The following GPC2 variants were observed in gnomAD, a reference collection of about 807,000 sequenced individuals.
GPC2 encodes glypican 2.
Under a neutral mutation model 57.3 loss-of-function variants are expected in GPC2, and 42 were observed. The ratio of observed to expected loss-of-function variants is 0.73; its 90% CI spans 0.57 to 0.95. The LOEUF is 0.95. GPC2 is among the 40% of genes least tolerant of loss of function. The pLI is 0.00. For synonymous variants in GPC2, 364 were observed against 343.4 expected (o/e 1.06, Z -0.66); for missense variants, 745 against 793.6 (o/e 0.94, Z 0.74).
At chr7:100,176,994 C>T (rs1452474409) in intron 1 of GPC2, 40 bp downstream of exon 1, 1 of 292,632 alleles carries the variant, frequency 3.4e-6, no homozygotes, top group East Asian at 1.2e-4. Flanking sequence ...CCGCCCCCGC[C>T]CCCCACCCCC....
At chr7:100,174,159 T>C (rs1799230732) in intron 4 of GPC2, 162 bp from the exon 5 acceptor site, 3 of 573,146 alleles carry the variant, frequency 5.2e-6, no homozygotes, top group African/African-American at 1.9e-5. Context: ...AGGAGGGAGG[T>C]TCCAGGTTGC....
At chr7:100,173,759 C>A in intron 5 of GPC2, 76 bp downstream of exon 5, 1 of 1,231,362 alleles carries the variant, frequency 8.1e-7, no homozygotes, top group Non-Finnish European at 1.1e-6. Flanking sequence ...GATCCTCCTG[C>A]CTCAGCCTCT....
rs1481634026 is a variant in GPC2 at position 100,171,706 on chromosome 7, G to C, written c.1171-28C>G. On this transcript the variant is annotated intron_variant, in intron 7 of 9. Coordinates refer to ENST00000292377, the MANE Select transcript of GPC2 (RefSeq NM_152742.3). The surrounding 1 kb of genome is among the most constrained non-coding windows in gnomAD (Gnocchi z 4.8). ...GGGCGGGCGAGAGGGGGCGGGGCGA[G>C]CTGGAGCGCGACCCCCACAACCATC... 4.1e-6 allele frequency: 6 copies of C among 1,479,126 alleles called. No homozygotes were observed. The highest frequency in any genetic ancestry group is 5.3e-6 in the Non-Finnish European group (6 of 1,124,388). 91.6% of individuals were successfully genotyped at this position (1,479,126 alleles called of 1,614,324 possible). A position where few individuals can be genotyped will look rare whatever the true frequency, so the allele number is the denominator to read the frequency against.
At chr7:100,176,099 G>T in intron 2 of GPC2, 108 bp downstream of exon 2, 1 of 1,100,472 alleles carries the variant, frequency 9.1e-7, no homozygotes, top group Non-Finnish European at 1.3e-6. Context: ...GGGCTGGGAG[G>T]GGATGGAGTC....
Position 100,172,115 on chromosome 7 carries a change from T to C in GPC2, c.995A>G (p.Gln332Arg), listed in dbSNP as rs1799189414. The change falls in exon 6 of 10, where the codon CAG (glutamine) becomes CGG (arginine). Residue 332 changes from glutamine to arginine, a missense_variant. By Grantham distance (43) the Gln-to-Arg change is conservative. This residue lies in a region of GPC2 where 607 missense variants were observed against 603.9 expected (regional missense o/e 1.01). Transcript: ENST00000292377. ...VKISEGLMYL[Q>R]ENSAKVSAQV... The stretch of plus-strand genomic sequence containing the variant: ...GGCGGACACCTTCGCACTGTTTTCC[T>C]GCAGGTACATCAAACCCTCCGAGAT... The C allele has an allele frequency of 1.2e-6, 2 of 1,607,306 alleles. No individual in the cohort carries two copies. The highest frequency in any genetic ancestry group is 1.7e-6 in the Non-Finnish European group (2 of 1,176,528).
In GPC2 at chr7:100,171,337, A is replaced by C. The variant is rs894771741; in HGVS notation, c.1410T>G (p.Arg470=). The C allele has an allele frequency of 1.3e-6, 2 of 1,543,990 alleles. No individual in the cohort carries two copies. The highest frequency in any genetic ancestry group is 1.7e-6 in the Non-Finnish European group (2 of 1,144,664). The part of the protein sequence containing the change: ...ASGPDVPTRR[R]RLQLRAATAR... ...CCGTGGCCGCCCGGAGCTGTAGCCGACGCCGCCGTGTCGGGACATCGGGGC... is the reference window on the plus strand; with the variant it reads ...CCGTGGCCGCCCGGAGCTGTAGCCGCCGCCGCCGTGTCGGGACATCGGGGC... Residue 470 remains arginine, a synonymous_variant, in exon 9 of 10, where the codon CGT becomes CGG. Transcript: ENST00000292377. The surrounding 1 kb of genome is among the most constrained non-coding windows in gnomAD (Gnocchi z 4.8).
chr7:100,172,705 A>G (rs1226994104), intron 5 of GPC2, among the ~76,000 whole-genome samples: 115 of 90,086 alleles, frequency 1.3e-3, no homozygotes, highest in East Asian at 5.0e-3. Flanking sequence ...ATACGTGTAT[A>G]TATATGTATA....
rs1289978481 is a variant in GPC2, at chr7:100,171,442, A to G, written c.1311-6T>C. ...CGACCACTGGCGGCAAGTACCTGCG[A>G]GCAGAGCAGCCCCGAAGCGCCAGCT... On this transcript the variant is annotated splice_polypyrimidine_tract_variant and splice_region_variant and intron_variant, in intron 8 of 9. Transcript: ENST00000292377. The surrounding 1 kb of genome is among the most constrained non-coding windows in gnomAD (Gnocchi z 4.8). 6 of 1,437,806 alleles carry G rather than the reference A, an allele frequency of 4.2e-6. No homozygotes were observed. In the East Asian group the frequency reaches 1.5e-4, roughly 35 times the overall value. 89.1% of individuals were successfully genotyped at this position (1,437,806 alleles called of 1,614,324 possible). A position where few individuals can be genotyped will look rare whatever the true frequency, so the allele number is the denominator to read the frequency against.
In GPC2 at chr7:100,171,651, G is replaced by C; in HGVS notation, c.1198C>G (p.Arg400Gly). 1 of 1,519,306 alleles carries C rather than the reference G, an allele frequency of 6.6e-7. No individual in the cohort carries two copies. The highest frequency in any genetic ancestry group is 8.7e-7 in the Non-Finnish European group (1 of 1,145,078). 94.1% of individuals were successfully genotyped at this position (1,519,306 alleles called of 1,614,324 possible). Residue 400 changes from arginine (R) to glycine (G), a missense_variant, in exon 8 of 10, where the codon CGG becomes GGG. This residue lies in a region of GPC2 where 607 missense variants were observed against 603.9 expected (regional missense o/e 1.01). Coordinates refer to ENST00000292377, the MANE Select transcript of GPC2 (RefSeq NM_152742.3). The surrounding 1 kb of genome is among the most constrained non-coding windows in gnomAD (Gnocchi z 4.8). ...AGCCGGGCCCAGAAGCCCCGCATCCGGGCCAGACGCTCGCGGAGCTCCCAC... is the reference window on the plus strand; with the variant it reads ...AGCCGGGCCCAGAAGCCCCGCATCCCGGCCAGACGCTCGCGGAGCTCCCAC... Reference protein sequence around the residue: ...LVWELRERLARMRGFWARLSL... With the variant: ...LVWELRERLAGMRGFWARLSL...
In GPC2 at chr7:100,171,792, T is replaced by C. The variant is rs1204314514; in HGVS notation, c.1157A>G (p.Asn386Ser). 5.8e-6 allele frequency: 9 copies of C among 1,556,056 alleles called. No homozygotes were observed. The highest frequency in any genetic ancestry group is 1.4e-5 in the African/African-American group (1 of 71,962). Reference protein sequence around the residue: ...EERPTTAAGTNLHRLVWELRE... With the variant: ...EERPTTAAGTSLHRLVWELRE... Reference sequence around the variant, plus strand: ...CATCCCACGCACCAGCCGGTGCAGGTTGGTGCCTGCGGCCGTCGTGGGCCG... The same window carrying C: ...CATCCCACGCACCAGCCGGTGCAGGCTGGTGCCTGCGGCCGTCGTGGGCCG... The change falls in exon 7 of 10, where the codon AAC (asparagine) becomes AGC (serine). Residue 386 changes from asparagine (N) to serine (S), a missense_variant. Asn to Ser is a conservative substitution (Grantham distance 46, BLOSUM62 1). Around this residue, in one of 2 missense-constraint regions of GPC2, gnomAD observed 607 missense variants for 603.9 expected, o/e 1.01. Coordinates refer to ENST00000292377, the MANE Select transcript of GPC2 (RefSeq NM_152742.3). The surrounding 1 kb of genome is among the most constrained non-coding windows in gnomAD (Gnocchi z 4.8).
chr7:100,174,614 T>A (rs747133833), intron 4 of GPC2, 71 bp downstream of exon 4: 1 of 1,166,682 alleles, frequency 8.6e-7, no homozygotes, highest in South Asian at 1.3e-5. Flanking sequence ...TGGCTGTTTC[T>A]TCCTTGTGGG....
intron 2 of GPC2, 129 bp downstream of exon 2, chr7:100,176,077 TG>T: frequency 6.5e-5 from 7 of 108,428 alleles, no homozygotes; most frequent in Non-Finnish European, 7.4e-5. Flanking sequence ...AGACAGAGTC[TG>T]GGGGGTGGGC....
Position 100,175,675 on chromosome 7 carries a change from T to C in GPC2, c.545A>G (p.Tyr182Cys). Residue 182 changes from tyrosine (Y) to cysteine (C), a missense_variant, in exon 3 of 10, where the codon TAC (tyrosine) becomes TGC (cysteine). Physicochemically the swap from Tyr to Cys is radical, Grantham distance 194. Transcript: ENST00000292377. ...ERVFPLLHPQ[Y>C]SFPPDYLLCL... ...GAGCAGGTAGTCAGGGGGGAAGCTG[T>C]ACTGTGGGTGCAGCAGCGGGAACAC... is the stretch of plus-strand genomic sequence containing the variant. 1.2e-6 allele frequency: 2 copies of C among 1,613,872 alleles called. No homozygotes were observed. Among genetic ancestry groups the C allele is most frequent in the Non-Finnish European group, 1.7e-6 (2 of 1,179,836 alleles).
intron 9 of GPC2, 107 bp from the exon 10 acceptor site, chr7:100,170,590 A>C: frequency 1.9e-6 from 2 of 1,075,396 alleles, no homozygotes; most frequent in Non-Finnish European, 2.5e-6. Context: ...AAAGGGAGGG[A>C]GACACAGGTG....
rs1799142990 is a variant in GPC2 at position 100,169,628 on chromosome 7, G to T, written c.*602C>A. ...GGGTCCAATACATTACCATTTATTT[G>T]CAGAATAAACATGGACTCAAACACT... On this transcript the variant is annotated 3_prime_UTR_variant, in exon 10 of 10. Transcript: ENST00000292377. The T allele has an allele frequency of 2.0e-5, 3 of 152,666 alleles. No homozygotes were observed. The highest frequency in any genetic ancestry group is 2.0e-4 in the Admixed American group (3 of 15,274). 9.5% of individuals were successfully genotyped at this position (152,666 alleles called of 1,614,324 possible).
At position 100,170,381 on chromosome 7, in the gene GPC2, G is replaced by T. The variant is rs1339463674; in HGVS notation, c.1589C>A (p.Pro530His). ...PARPPRPPYP[P>H]RRDGSGGKGG... ...TTTGCCCCCAGAACCATCCCTTCTA[G>T]GAGGGTATGGAGGCCGAGGAGGCCG... The change falls in exon 10 of 10, where the codon CCT becomes CAT. Residue 530 changes from proline (P) to histidine (H), a missense_variant. Coordinates refer to ENST00000292377, the MANE Select transcript of GPC2 (RefSeq NM_152742.3). 10 of 1,612,930 alleles carry T rather than the reference G, an allele frequency of 6.2e-6. No individual in the cohort carries two copies. Among genetic ancestry groups the T allele is most frequent in the Non-Finnish European group, 8.5e-6 (10 of 1,179,494 alleles).
At chr7:100,176,400 T>C (rs1799282626) in intron 1 of GPC2, 35 bp from the exon 2 acceptor site, 1 of 1,593,568 alleles carries the variant, frequency 6.3e-7, no homozygotes, top group Non-Finnish European at 8.6e-7. Flanking sequence ...TGGTGGGAAG[T>C]GATATCCTAA....
At position 100,171,706 on chromosome 7, in the gene GPC2, G is replaced by A. The variant is rs1481634026; in HGVS notation, c.1171-28C>T. 1.4e-6 allele frequency: 2 copies of A among 1,479,018 alleles called. No individual in the cohort carries two copies. Among genetic ancestry groups the A allele is most frequent in the Non-Finnish European group, 1.8e-6 (2 of 1,124,398 alleles). The allele number at this position is 1,479,018 out of a possible 1,614,324, so 91.6% of individuals were successfully genotyped here. ...GGGCGGGCGAGAGGGGGCGGGGCGA[G>A]CTGGAGCGCGACCCCCACAACCATC... is the stretch of plus-strand genomic sequence containing the variant. On this transcript the variant is annotated intron_variant, in intron 7 of 9. Transcript: ENST00000292377. This position sits in a 1 kb window ranked among gnomAD's most constrained non-coding sequence, Gnocchi z 4.8.
chr7:100,171,813 G>A lies in GPC2; in HGVS notation c.1136C>T (p.Pro379Leu). Reference protein sequence around the residue: ...LWSMVTEEERPTTAAGTNLHR... With the variant: ...LWSMVTEEERLTTAAGTNLHR... ...CAGGTTGGTGCCTGCGGCCGTCGTG[G>A]GCCGCTCCTCCTCGGTCACCATCGA... Residue 379 changes from proline (P) to leucine (L), a missense_variant, in exon 7 of 10, where the codon CCC becomes CTC. Pro to Leu is a moderately conservative substitution (Grantham distance 98, BLOSUM62 -3). Around this residue, in one of 2 missense-constraint regions of GPC2, gnomAD observed 607 missense variants for 603.9 expected, o/e 1.01. Transcript: ENST00000292377. The surrounding 1 kb of genome is among the most constrained non-coding windows in gnomAD (Gnocchi z 4.8). 1.3e-6 allele frequency: 2 copies of A among 1,574,820 alleles called. No homozygotes were observed. The highest frequency in any genetic ancestry group is 1.7e-6 in the Non-Finnish European group (2 of 1,169,442).
Sources: gnomAD v4.1 joint callset for allele counts (sites outside exome capture counted in the v4.1 genomes callset) on GRCh38, gnomAD v4.1.1 for gene constraint, gnomAD v4.1.1 regional missense constraint, Gnocchi (gnomAD v3.1) non-coding constraint, MANE v1.5 for transcripts, NCBI Gene and HGNC (gene_info 2026-07-23, HGNC 2026-07-21) for gene names.